The following PLEKHH1 variants were observed in gnomAD, a reference collection of about 807,000 sequenced individuals.
PLEKHH1 encodes the protein pleckstrin homology domain-containing family H member 1.
A neutral mutation model predicts 160.0 loss-of-function variants in PLEKHH1; 104 were observed. The observed-to-expected ratio is 0.65, with a 90% CI of 0.55 to 0.76. The LOEUF (loss-of-function observed/expected upper bound fraction) is 0.76. PLEKHH1 is among the 30% of genes least tolerant of loss of function. The pLI is 0.00. For synonymous variants in PLEKHH1, 619 were observed against 678.4 expected, an observed-to-expected ratio of 0.91 and a Z score of 1.36; for missense variants, 1,427 against 1,724.1, an observed-to-expected ratio of 0.83 and a Z score of 3.05.
At chr14:67,586,523 T>C (rs2036172088) in intron 28 of PLEKHH1, 1 of 758,802 alleles carries the variant, frequency 1.3e-6, no homozygotes, top group Admixed American at 2.3e-5. Flanking sequence ...AGTCCCACAG[T>C]GCTCCCTCTT....
Position 67,576,289 on chromosome 14 carries a change from A to G in PLEKHH1, c.2353-106A>G. 1.5e-6 allele frequency: 1 copy of G among 655,594 alleles called. No homozygotes were observed. The highest frequency in any genetic ancestry group is 2.7e-5 in the East Asian group (1 of 36,494). The allele number at this position is 655,594 out of a possible 1,614,324, so 40.6% of individuals were successfully genotyped here. A position where few individuals can be genotyped will look rare whatever the true frequency, so the allele number is the denominator to read the frequency against. On this transcript the variant is annotated intron_variant, in intron 16 of 28. Transcript: ENST00000329153. This position sits in a 1 kb window ranked among gnomAD's most constrained non-coding sequence, Gnocchi z 4.0. ...AGCCCTGACTCATGCCAACCAAACT[A>G]GCTGAACCCCACATGGGCTTGGTCC...
Position 67,542,050 on chromosome 14 carries a change from G to A in PLEKHH1, c.126+57G>A, listed in dbSNP as rs189894661. On this transcript the variant is annotated intron_variant, in intron 2 of 28. Transcript: ENST00000329153. Reference sequence around the variant, plus strand: ...CACACGCAGAGGTTTATGGCAGGGAGGGCCGTGTGAGAGAGGGAGAGTTGC... The same window carrying A: ...CACACGCAGAGGTTTATGGCAGGGAAGGCCGTGTGAGAGAGGGAGAGTTGC... 274 of 1,480,780 alleles carry A rather than the reference G, an allele frequency of 1.9e-4. No individual in the cohort carries two copies. The Middle Eastern group carries it at 2.2e-3, about 12-fold the overall frequency. 91.7% of individuals were successfully genotyped at this position (1,480,780 alleles called of 1,614,324 possible). A position where few individuals can be genotyped will look rare whatever the true frequency, so the allele number is the denominator to read the frequency against.
intron 2 of PLEKHH1, among the ~76,000 whole-genome samples, chr14:67,549,785 G>A (rs567444187): frequency 9.8e-5 from 15 of 152,328 alleles, no homozygotes; most frequent in African/African-American, 3.1e-4. Context: ...AGTGTGGTCT[G>A]TGGACCACCA....
At position 67,579,245 on chromosome 14, in the gene PLEKHH1, G is replaced by T. The variant is rs776767778; in HGVS notation, c.2961G>T (p.Leu987=). 21 of 1,606,538 alleles carry T rather than the reference G, an allele frequency of 1.3e-5. No individual in the cohort carries two copies. The South Asian group carries it at 2.2e-4, about 17-fold the overall frequency. The change falls in exon 21 of 29, where the codon CTG becomes CTT. Residue 987 remains leucine (L), a synonymous_variant. Coordinates refer to ENST00000329153, the MANE Select transcript of PLEKHH1 (RefSeq NM_020715.3). ...PSRMEVVSIL[L]RNPFHHSLPF... ...GCATGGAAGTGGTGTCCATCCTGCT[G>T]CGTAACCCCTTCCACCACTCCTTGC...
intron 2 of PLEKHH1, among the ~76,000 whole-genome samples, chr14:67,554,268 A>G (rs1332582609): frequency 6.6e-6 from 1 of 152,188 alleles, no homozygotes; most frequent in African/African-American, 2.4e-5. Flanking sequence ...TAAGGAAAGC[A>G]GAATTTCAGC....
At position 67,575,382 on chromosome 14, in the gene PLEKHH1, T is replaced by A; in HGVS notation, c.2089-10T>A. ...AGTTCTCATAATGCCAGTTCATTTC[T>A]GTCTTACAGGTAAAGCATGGCCACT... On this transcript the variant is annotated splice_polypyrimidine_tract_variant and intron_variant, in intron 14 of 28. Transcript: ENST00000329153. The A allele has an allele frequency of 6.4e-7, 1 of 1,573,622 alleles. No individual in the cohort carries two copies. The highest frequency in any genetic ancestry group is 8.7e-7 in the Non-Finnish European group (1 of 1,148,780).
rs1284182972 is a variant in PLEKHH1 at position 67,585,302 on chromosome 14, G to T, written c.3700-266G>T. 9.1e-6 allele frequency: 4 copies of T among 440,116 alleles called. No individual in the cohort carries two copies. The East Asian group carries it at 1.9e-4, about 21-fold the overall frequency. 27.3% of individuals were successfully genotyped at this position (440,116 alleles called of 1,614,324 possible). A position where few individuals can be genotyped will look rare whatever the true frequency, so the allele number is the denominator to read the frequency against. Reference sequence around the variant, plus strand: ...CATCCAGTGTGCTGTGGCAGCATGGGTTCTAGGGACATCAAAAGAATGATC... The same window carrying T: ...CATCCAGTGTGCTGTGGCAGCATGGTTTCTAGGGACATCAAAAGAATGATC... On this transcript the variant is annotated intron_variant, in intron 26 of 28. Transcript: ENST00000329153.
In PLEKHH1 at chr14:67,572,196, A is replaced by G. The variant is rs1335533707; in HGVS notation, c.1647A>G (p.Ser549=). Residue 549 remains serine (S), a synonymous_variant, in exon 11 of 29, where the codon TCA becomes TCG. Coordinates refer to ENST00000329153, the MANE Select transcript of PLEKHH1 (RefSeq NM_020715.3). ...ACGCCATCCCCCCGGACGCCTGCTCACTGGACAGTGACTACTCAGAGCCTG... is the reference window on the plus strand; with the variant it reads ...ACGCCATCCCCCCGGACGCCTGCTCGCTGGACAGTGACTACTCAGAGCCTG... ...GDYAIPPDAC[S]LDSDYSEPEH... 6.2e-7 allele frequency: 1 copy of G among 1,608,968 alleles called. No homozygotes were observed. Among genetic ancestry groups the G allele is most frequent in the Admixed American group, 1.7e-5 (1 of 59,460 alleles).
intron 4 of PLEKHH1, 118 bp downstream of exon 4, chr14:67,557,536 A>G (rs1302728674): frequency 1.2e-6 from 1 of 843,688 alleles, no homozygotes; most frequent in African/African-American, 1.7e-5. Flanking sequence ...CTCCCTCCTG[A>G]GCCTATTCTT....
rs1249855380 is a variant in PLEKHH1 at position 67,582,891 on chromosome 14, T to C, written c.3426+681T>C. ...AAAACCTCTGCCAGCCTCCACAGGG[T>C]TGTACTAAGTATGATACCTGGATAA... On this transcript the variant is annotated intron_variant, in intron 24 of 28. Coordinates refer to ENST00000329153, the MANE Select transcript of PLEKHH1 (RefSeq NM_020715.3). This position sits in a 1 kb window ranked among gnomAD's most constrained non-coding sequence, Gnocchi z 5.0. Among the ~76,000 whole-genome samples, 1 of 151,968 alleles carries C rather than the reference T, an allele frequency of 6.6e-6. No individual in the cohort carries two copies. Among genetic ancestry groups the C allele is most frequent in the African/African-American group, 2.4e-5 (1 of 41,374 alleles).
rs191264111 is a variant in PLEKHH1 at position 67,570,100 on chromosome 14, C to T, written c.1434+88C>T. ...AATGACTGGGGCGGGGCTCTAGGGC[C>T]AGGCTTCTGCACATGGTGACCCTGC... On this transcript the variant is annotated intron_variant, in intron 9 of 28. Coordinates refer to ENST00000329153, the MANE Select transcript of PLEKHH1 (RefSeq NM_020715.3). The T allele has an allele frequency of 2.5e-3, 2,326 of 932,008 alleles. 16 individuals are homozygous for T. Among genetic ancestry groups the T allele is most frequent in the South Asian group, 2.8e-3 (202 of 71,354 alleles). The allele number at this position is 932,008 out of a possible 1,614,324, so 57.7% of individuals were successfully genotyped here.
intron 1 of PLEKHH1, among the ~76,000 whole-genome samples, chr14:67,540,737 TG>T (rs1330944867): frequency 6.6e-6 from 1 of 152,204 alleles, no homozygotes; most frequent in African/African-American, 2.4e-5. Context: ...TTATACTTTT[TG>T]GGAAGCATCA....
At chr14:67,543,644 C>A (rs540945402) in intron 2 of PLEKHH1, among the ~76,000 whole-genome samples, 3 of 151,946 alleles carry the variant, frequency 2.0e-5, no homozygotes, top group Admixed American at 6.6e-5. Context: ...AGTTTGAGAA[C>A]CCTGACTTAA....
chr14:67,586,480 T>G, intron 28 of PLEKHH1: 1 of 1,143,414 alleles, frequency 8.7e-7, no homozygotes, highest in Non-Finnish European at 1.2e-6. Flanking sequence ...ACCCCTGGGT[T>G]CTGCTGACCC....
At chr14:67,554,662 G>C (rs1347209880) in intron 2 of PLEKHH1, among the ~76,000 whole-genome samples, 1 of 152,180 alleles carries the variant, frequency 6.6e-6, no homozygotes, top group Non-Finnish European at 1.5e-5. Context: ...GGCAGGGGAA[G>C]AATGGGAGCT....
At position 67,582,134 on chromosome 14, in the gene PLEKHH1, C is replaced by T. The variant is rs1019608423; in HGVS notation, c.3350C>T (p.Thr1117Ile). The change falls in exon 24 of 29, where the codon ACC becomes ATC. Residue 1117 changes from threonine to isoleucine, a missense_variant. Thr to Ile is a moderately conservative substitution (Grantham distance 89, BLOSUM62 -1). Coordinates refer to ENST00000329153, the MANE Select transcript of PLEKHH1 (RefSeq NM_020715.3). This position sits in a 1 kb window ranked among gnomAD's most constrained non-coding sequence, Gnocchi z 5.0. ...GAACGGCTGCTCCTTGCCTCTCAAA[C>T]CAGTAGAGAGATAGTGGCAGGGAGG... is the stretch of plus-strand genomic sequence containing the variant. ...DRERLLLASQ[T>I]SREIVAGRFP... The T allele has an allele frequency of 1.9e-6, 3 of 1,613,474 alleles. No individual in the cohort carries two copies. The highest frequency in any genetic ancestry group is 2.7e-5 in the African/African-American group (2 of 74,866).
chr14:67,560,522 T>C (rs1594762864), intron 5 of PLEKHH1, among the ~76,000 whole-genome samples: 2 of 152,322 alleles, frequency 1.3e-5, no homozygotes, highest in African/African-American at 4.8e-5. Flanking sequence ...AACACTAACT[T>C]CCCATTCTCT....
chr14:67,573,087 A>G lies in PLEKHH1; in HGVS notation c.1729-189A>G, dbSNP rs2035463568. Among the ~76,000 whole-genome samples, 1 of 152,120 alleles carries G rather than the reference A, an allele frequency of 6.6e-6. No homozygotes were observed. The highest frequency in any genetic ancestry group is 2.1e-4 in the South Asian group (1 of 4,826). The stretch of plus-strand genomic sequence containing the variant: ...GAGCCCTTCCTTGGCAGGACCACCC[A>G]TGTTTTATTTAGTCCTCTCTGAACC... On this transcript the variant is annotated intron_variant, in intron 11 of 28. Coordinates refer to ENST00000329153, the MANE Select transcript of PLEKHH1 (RefSeq NM_020715.3). This position sits in a 1 kb window ranked among gnomAD's most constrained non-coding sequence, Gnocchi z 4.8.
chr14:67,567,951 CA>C (rs1196601194), intron 7 of PLEKHH1, among the ~76,000 whole-genome samples: 1 of 152,174 alleles, frequency 6.6e-6, no homozygotes, highest in African/African-American at 2.4e-5. Context: ...CAGTCAGGGC[CA>C]TTAGGAAAAG....
Sources: allele counts gnomAD v4.1 joint callset (sites outside exome capture counted in the v4.1 genomes callset), GRCh38; gene constraint gnomAD v4.1.1; non-coding constraint Gnocchi (gnomAD v3.1); transcripts MANE v1.5; gene names NCBI Gene and HGNC (gene_info 2026-07-23, HGNC 2026-07-21).